The following SAMD5 variants were observed in gnomAD, a reference collection of about 807,000 sequenced individuals.
SAMD5 encodes the protein sterile alpha motif domain-containing protein 5.
A neutral mutation model predicts 11.3 loss-of-function variants in SAMD5; 13 were observed. The observed-to-expected ratio is 1.15, with a 90% CI of 0.75 to 1.83. The LOEUF (loss-of-function observed/expected upper bound fraction) is 1.83, where lower values mean the gene tolerates loss of function less well. Among genes scored for constraint, SAMD5 ranks in the 40% most tolerant of loss-of-function variants. The pLI, the probability that SAMD5 is intolerant of heterozygous loss-of-function variation, is 0.00. For missense variants in SAMD5, 255 were observed against 239.1 expected (o/e 1.07, Z -0.44); for synonymous variants, 129 against 111.3 (o/e 1.16, Z -1.00).
At chr6:147,742,485 T>C (rs1398055649), downstream of SAMD5, among the ~76,000 whole-genome samples, 5 of 152,238 alleles carry the variant, frequency 3.3e-5, no homozygotes, top group Admixed American at 6.5e-5. Flanking sequence ...TTCTGTGATA[T>C]ATAAAATTAT....
chr6:147,900,868 G>A, the SAMD5 span, among the ~76,000 whole-genome samples: 1 of 152,178 alleles, frequency 6.6e-6, no homozygotes, highest in African/African-American at 2.4e-5. Context: ...TGAATGTTTT[G>A]CCTTATCTCG....
the SAMD5 span, among the ~76,000 whole-genome samples, chr6:147,800,349 C>G: frequency 6.6e-6 from 1 of 152,200 alleles, no homozygotes; most frequent in African/African-American, 2.4e-5. Context: ...CAGTGTGCCC[C>G]TGCTGGAGGG....
chr6:147,743,426 C>T, the SAMD5 span: 1 of 152,132 alleles, frequency 6.6e-6, no homozygotes, highest in African/African-American at 2.4e-5. Flanking sequence ...TGGCGTGAAC[C>T]CGGAAGGCGG....
At chr6:147,631,247 G>A (rs1386607076) in intron 1 of SAMD5, among the ~76,000 whole-genome samples, 1 of 152,172 alleles carries the variant, frequency 6.6e-6, no homozygotes, top group Non-Finnish European at 1.5e-5. Flanking sequence ...CTAAACGGAA[G>A]ACACAAGGTC....
At chr6:147,801,863 T>C in the SAMD5 span, among the ~76,000 whole-genome samples, 226 of 152,234 alleles carry the variant, frequency 1.5e-3, 1 homozygote, top group African/African-American at 4.3e-3. Flanking sequence ...TAAATATCCA[T>C]AGGGAAAAAG....
At chr6:147,870,572 C>T in the SAMD5 span, among the ~76,000 whole-genome samples, 1 of 151,166 alleles carries the variant, frequency 6.6e-6, no homozygotes, top group African/African-American at 2.4e-5. Context: ...ATCTTGGGGA[C>T]AGGGTTGGTG....
At chr6:147,610,556 G>A (rs1038308553) in intron 1 of SAMD5, among the ~76,000 whole-genome samples, 3 of 152,152 alleles carry the variant, frequency 2.0e-5, no homozygotes, top group Non-Finnish European at 4.4e-5. Flanking sequence ...CTAAAGTAAG[G>A]CACTTTTGGA....
chr6:147,746,007 G>A, the SAMD5 span, among the ~76,000 whole-genome samples: 1 of 152,136 alleles, frequency 6.6e-6, no homozygotes, highest in Non-Finnish European at 1.5e-5. Flanking sequence ...CTCCCAGGGT[G>A]CTGGGATTAC....
At chr6:147,603,776 T>TA (rs1297351378) in intron 1 of SAMD5, among the ~76,000 whole-genome samples, 1 of 151,538 alleles carries the variant, frequency 6.6e-6, no homozygotes, top group Non-Finnish European at 1.5e-5. Flanking sequence ...CTCATTTCAT[T>TA]AAAAAACAAA....
At chr6:147,562,692 G>A (rs1788970596) in intron 1 of SAMD5, among the ~76,000 whole-genome samples, 1 of 152,158 alleles carries the variant, frequency 6.6e-6, no homozygotes, top group Middle Eastern at 3.4e-3. Context: ...CTTGGTGGCG[G>A]GCGCCTGTAG....
At chr6:147,830,251 C>CTTT in the SAMD5 span, among the ~76,000 whole-genome samples, 375 of 84,918 alleles carry the variant, frequency 4.4e-3, 8 homozygotes, top group African/African-American at 0.014. Context: ...TTCTTTCTTT[C>CTTT]TTTTTTTTTT....
At chr6:147,908,705 A>C in the SAMD5 span, among the ~76,000 whole-genome samples, 18 of 152,218 alleles carry the variant, frequency 1.2e-4, no homozygotes, top group Non-Finnish European at 1.9e-4. Flanking sequence ...AGAGACACTG[A>C]AACAATAGGA....
At chr6:147,802,567 A>G in the SAMD5 span, among the ~76,000 whole-genome samples, 5 of 151,140 alleles carry the variant, frequency 3.3e-5, no homozygotes, top group African/African-American at 1.2e-4. Flanking sequence ...GTAGAGAAAG[A>G]AGAAAGGACA....
At chr6:147,739,170 T>A (rs954569873), downstream of SAMD5, among the ~76,000 whole-genome samples, 1 of 152,204 alleles carries the variant, frequency 6.6e-6, no homozygotes, top group East Asian at 1.9e-4. Flanking sequence ...TCTAGTTCTG[T>A]TTTCCTTGAG....
intron 1 of SAMD5, among the ~76,000 whole-genome samples, chr6:147,716,704 C>CTAGA (rs1373678940): frequency 2.6e-5 from 4 of 152,226 alleles, no homozygotes; most frequent in African/African-American, 9.6e-5. Context: ...AGCAGCCACT[C>CTAGA]TAGATGGGTC....
intron 1 of SAMD5, among the ~76,000 whole-genome samples, chr6:147,611,185 A>T (rs1415809771): frequency 1.3e-5 from 2 of 152,152 alleles, no homozygotes; most frequent in Non-Finnish European, 2.9e-5. Context: ...GCCAGAGTTC[A>T]TCGTCAGAAG....
chr6:147,684,398 C>T (rs111885813), intron 1 of SAMD5, among the ~76,000 whole-genome samples: 2,100 of 152,218 alleles, frequency 0.014, 49 homozygotes, highest in African/African-American at 0.048. Flanking sequence ...AGAAAGGCTA[C>T]TATGCACAGT....
the SAMD5 span, among the ~76,000 whole-genome samples, chr6:147,858,586 A>G: frequency 6.6e-6 from 1 of 152,204 alleles, no homozygotes; most frequent in Non-Finnish European, 1.5e-5. Flanking sequence ...AAAATGATAA[A>G]GTGCTTATAA....
the SAMD5 span, among the ~76,000 whole-genome samples, chr6:147,789,278 AACACACACACACACACACACAC>A: frequency 1.8e-4 from 25 of 141,104 alleles, no homozygotes; most frequent in Non-Finnish European, 2.3e-4. Context: ...TCTCTAGAAA[AACACACACACACACACACACAC>A]ACACACACAC....
Sources: gnomAD v4.1 joint callset for allele counts (sites outside exome capture counted in the v4.1 genomes callset) on GRCh38, gnomAD v4.1.1 for gene constraint, MANE v1.5 for transcripts, NCBI Gene and HGNC (gene_info 2026-07-23, HGNC 2026-07-21) for gene names.